DNAH5: variants seen among roughly 807,000 people sequenced by gnomAD.
The protein encoded by DNAH5 is axonemal beta dynein heavy chain 5.
DNAH5 carries 372 observed loss-of-function variants against 518.2 expected under a neutral mutation model. The ratio of observed to expected loss-of-function variants is 0.72; its 90% CI spans 0.66 to 0.78. The LOEUF (loss-of-function observed/expected upper bound fraction) is 0.78, where lower values mean the gene tolerates loss of function less well. Among genes scored for constraint, DNAH5 ranks in the 30% least tolerant of loss-of-function variants. The probability of loss-of-function intolerance (pLI) is 0.00; values close to 1 mark genes in which losing one functional copy is unlikely to be tolerated. For missense variants in DNAH5, 5,523 were observed against 5,687.0 expected, an observed-to-expected ratio of 0.97 and a Z score of 0.93; for synonymous variants, 2,039 against 2,025.9, an observed-to-expected ratio of 1.01 and a Z score of -0.17.
chr5:13,936,301 G>A (rs1019472253), intron 1 of DNAH5, among the ~76,000 whole-genome samples: 5 of 152,158 alleles, frequency 3.3e-5, no homozygotes, highest in Non-Finnish European at 7.4e-5. Flanking sequence ...TACTTCTCAT[G>A]ACTTCAAACG....
At chr5:13,750,124 A>T (rs1051683394) in intron 65 of DNAH5, among the ~76,000 whole-genome samples, 10 of 152,168 alleles carry the variant, frequency 6.6e-5, no homozygotes, top group Admixed American at 5.9e-4. Flanking sequence ...GGTAGGGCTC[A>T]GACGGGCAAG....
intron 36 of DNAH5, 129 bp from the exon 37 acceptor site, chr5:13,830,342 T>C: frequency 2.1e-6 from 2 of 965,218 alleles, no homozygotes; most frequent in Non-Finnish European, 3.2e-6. Context: ...AACAAATAGA[T>C]CTATGCATCA....
chr5:13,848,680 T>G (rs1010806593), intron 31 of DNAH5, among the ~76,000 whole-genome samples: 8 of 152,114 alleles, frequency 5.3e-5, no homozygotes, highest in African/African-American at 1.9e-4. Flanking sequence ...GCAACCTAGA[T>G]CCCTCGCATG....
intron 1 of DNAH5, among the ~76,000 whole-genome samples, chr5:13,988,916 C>T (rs777626551): frequency 1.5e-4 from 22 of 150,190 alleles, no homozygotes; most frequent in Admixed American, 6.0e-4. Flanking sequence ...TTAGTAGAGA[C>T]GGGGTTTCAC....
Position 13,914,532 on chromosome 5 carries a change from A to C in DNAH5, c.1308T>G (p.Ile436Met). 6.2e-7 allele frequency: 1 copy of C among 1,613,238 alleles called. No homozygotes were observed. The highest frequency in any genetic ancestry group is 1.1e-5 in the South Asian group (1 of 91,058). Residue 436 changes from isoleucine to methionine, a missense_variant, in exon 10 of 79, where the codon ATT becomes ATG. This residue lies in a region of DNAH5 where 5,121 missense variants were observed against 5,223.3 expected (regional missense o/e 0.98). Coordinates refer to ENST00000265104, the MANE Select transcript of DNAH5 (RefSeq NM_001369.3). ...DVVEEKILSAIKLKQEYQLCF... is the reference protein window; with the variant it reads ...DVVEEKILSAMKLKQEYQLCF... ...AACTGACCATTACCTGTTTCAGTTTAATCGCAGATAGTATTTTTTCTTCAA... is the reference window on the plus strand; with the variant it reads ...AACTGACCATTACCTGTTTCAGTTTCATCGCAGATAGTATTTTTTCTTCAA...
chr5:13,725,906 C>A (rs1335923359), intron 70 of DNAH5, among the ~76,000 whole-genome samples: 2 of 152,212 alleles, frequency 1.3e-5, no homozygotes, highest in African/African-American at 4.8e-5. Context: ...CCTGCCTCAG[C>A]CTCCCAAAGT....
At chr5:13,889,740 C>T (rs538715696) in intron 17 of DNAH5, among the ~76,000 whole-genome samples, 51 of 152,182 alleles carry the variant, frequency 3.4e-4, no homozygotes, top group African/African-American at 1.0e-3. Flanking sequence ...ACAGAGGGGA[C>T]GGTGAGCTCC....
rs3058927 is a variant in DNAH5 at position 13,867,616 on chromosome 5, G to GAAA, written c.4053+155_4053+157dup. 0.1 allele frequency among the ~76,000 whole-genome samples: 15,251 copies of GAAA among 151,544 alleles called. 886 individuals carry two copies. Among genetic ancestry groups the GAAA allele is most frequent in the Non-Finnish European group, 0.13 (8,936 of 67,886 alleles). ...AGAAACTCTAAGGGGAAAGAATTGT[G>GAAA]AAAAAAAATGTTTTTCTCTCATGAA... On this transcript the variant is annotated intron_variant, in intron 25 of 78. Transcript: ENST00000265104.
At chr5:13,752,108 C>T in intron 64 of DNAH5, 26 bp downstream of exon 64, 1 of 1,612,776 alleles carries the variant, frequency 6.2e-7, no homozygotes, top group East Asian at 2.2e-5. Context: ...TTGTTCTGCA[C>T]ATTGTCATCC....
At chr5:13,868,687 C>T (rs899067477) in intron 24 of DNAH5, among the ~76,000 whole-genome samples, 3 of 152,196 alleles carry the variant, frequency 2.0e-5, no homozygotes, top group Non-Finnish European at 2.9e-5. Flanking sequence ...GCAAGGATAG[C>T]CCAGTGCCTT....
At chr5:13,774,155 G>A (rs531912220) in intron 55 of DNAH5, among the ~76,000 whole-genome samples, 1 of 152,266 alleles carries the variant, frequency 6.6e-6, no homozygotes, top group East Asian at 1.9e-4. Context: ...ATGGGGGACA[G>A]GTGAAAGAGT....
intron 57 of DNAH5, 107 bp downstream of exon 57, chr5:13,769,394 G>GT (rs1306263283): frequency 3.0e-6 from 3 of 1,015,122 alleles, no homozygotes; most frequent in Non-Finnish European, 4.7e-6. Context: ...TCCAATGGAA[G>GT]TTAATGTATA....
At chr5:13,720,889 C>CA (rs1298617140) in intron 71 of DNAH5, 111 bp downstream of exon 71, 4 of 1,456,658 alleles carry the variant, frequency 2.7e-6, no homozygotes, top group Non-Finnish European at 2.8e-6. Context: ...TAGTAAACAG[C>CA]AGGCAGCATG....
intron 30 of DNAH5, among the ~76,000 whole-genome samples, chr5:13,855,969 C>T (rs1767574687): frequency 1.3e-5 from 2 of 152,092 alleles, no homozygotes; most frequent in Admixed American, 6.5e-5. Context: ...ACACAGTATA[C>T]CAGAATTTCT....
intron 43 of DNAH5, among the ~76,000 whole-genome samples, chr5:13,812,047 A>T (rs1760784487): frequency 6.6e-6 from 1 of 152,176 alleles, no homozygotes; most frequent in Non-Finnish European, 1.5e-5. Context: ...CCTTTTACAC[A>T]TGAGGAAACA....
At chr5:13,927,972 C>A in intron 3 of DNAH5, 122 bp downstream of exon 3, 1 of 767,586 alleles carries the variant, frequency 1.3e-6, no homozygotes. Flanking sequence ...GACCCACACA[C>A]GCATCTCCCT....
chr5:13,945,693 C>A (rs924715915), upstream of DNAH5, among the ~76,000 whole-genome samples: 5 of 152,054 alleles, frequency 3.3e-5, no homozygotes, highest in African/African-American at 1.2e-4. Context: ...ACAGCCTCAA[C>A]CTCCCAGGCT....
At chr5:13,810,314 G>C (rs536321293) in intron 44 of DNAH5, 54 bp from the exon 45 acceptor site, 2 of 1,475,376 alleles carry the variant, frequency 1.4e-6, no homozygotes, top group Non-Finnish European at 1.9e-6. Context: ...CCCAAACGTT[G>C]CTCTAGGGTT....
In DNAH5 at chr5:13,817,527, T is replaced by A. The variant is rs149937624; in HGVS notation, c.6988+21A>T. The A allele has an allele frequency of 1.1e-3, 1,713 of 1,611,646 alleles. 20 individuals carry two copies. In the African/African-American group the frequency reaches 0.019, roughly 18 times the overall value. On this transcript the variant is annotated intron_variant, in intron 42 of 78. Coordinates refer to ENST00000265104, the MANE Select transcript of DNAH5 (RefSeq NM_001369.3). The stretch of plus-strand genomic sequence containing the variant: ...TATCTAGAAGTATAATCAAAAATAA[T>A]CCTTGTAATTTATCTTCTACCTTTC...
Sources: allele counts gnomAD v4.1 joint callset (sites outside exome capture counted in the v4.1 genomes callset), GRCh38; gene constraint gnomAD v4.1.1; regional missense constraint gnomAD v4.1.1; transcripts MANE v1.5; gene names NCBI Gene and HGNC (gene_info 2026-07-23, HGNC 2026-07-21).